Variants in GAP43 observed in about 807,000 individuals in gnomAD.
GAP43 encodes the protein growth associated protein 43, also known as neuromodulin.
In GAP43, 6 loss-of-function variants were observed where a neutral mutation model predicts 18.6. The ratio of observed to expected loss-of-function variants is 0.32; its 90% CI spans 0.18 to 0.64. GAP43 has a LOEUF of 0.64. Among genes scored for constraint, GAP43 ranks in the 30% least tolerant of loss-of-function variants. GAP43 has a pLI of 0.78. For synonymous variants in GAP43, 115 were observed against 111.4 expected (o/e 1.03, Z -0.20); for missense variants, 292 against 295.5 (o/e 0.99, Z 0.09).
At chr3:115,686,012 A>C (rs148941373) in intron 2 of GAP43, among the ~76,000 whole-genome samples, 8 of 152,334 alleles carry the variant, frequency 5.3e-5, no homozygotes, top group South Asian at 2.1e-4. Context: ...AAACTCTAAC[A>C]GCCTTTATTT....
At chr3:115,633,150 A>G (rs1037466049) in intron 1 of GAP43, among the ~76,000 whole-genome samples, 2 of 152,162 alleles carry the variant, frequency 1.3e-5, no homozygotes, top group African/African-American at 4.8e-5. Flanking sequence ...AGACTCAGTT[A>G]TTAATAATCC....
chr3:115,633,037 G>C (rs72961636), intron 1 of GAP43, among the ~76,000 whole-genome samples: 306 of 151,546 alleles, frequency 2.0e-3, no homozygotes, highest in African/African-American at 7.1e-3. Context: ...AAAAAGCAGC[G>C]ATCATATGAA....
At chr3:115,662,497 T>C (rs1315050970) in intron 1 of GAP43, among the ~76,000 whole-genome samples, 1 of 152,204 alleles carries the variant, frequency 6.6e-6, no homozygotes, top group Non-Finnish European at 1.5e-5. Flanking sequence ...AACTGTCAAA[T>C]TGCAAACCAC....
chr3:115,698,187 TTA>T (rs1491445941), intron 2 of GAP43, among the ~76,000 whole-genome samples: 4 of 11,264 alleles, frequency 3.6e-4, no homozygotes, highest in South Asian at 2.4e-3. Flanking sequence ...AATATATATA[TTA>T]AATATATATT....
At chr3:115,638,031 A>T (rs1034541786) in intron 1 of GAP43, among the ~76,000 whole-genome samples, 2 of 152,054 alleles carry the variant, frequency 1.3e-5, no homozygotes, top group East Asian at 3.9e-4. Context: ...AGAAAGAAAT[A>T]TGTCTTGACT....
At chr3:115,669,011 G>A (rs572886264) in intron 1 of GAP43, among the ~76,000 whole-genome samples, 71 of 150,756 alleles carry the variant, frequency 4.7e-4, no homozygotes, top group Non-Finnish European at 8.7e-4. Context: ...GTGCCACTGC[G>A]CTCCAGCCTG....
intron 1 of GAP43, among the ~76,000 whole-genome samples, chr3:115,627,136 T>A (rs1480552485): frequency 5.0e-4 from 17 of 33,720 alleles, no homozygotes; most frequent in South Asian, 2.2e-3. Flanking sequence ...TTTCTTTCTT[T>A]TTTTTTTTTT....
At chr3:115,641,881 C>A (rs996045271) in intron 1 of GAP43, among the ~76,000 whole-genome samples, 2 of 152,004 alleles carry the variant, frequency 1.3e-5, no homozygotes, top group African/African-American at 4.8e-5. Context: ...GATGTTCTTG[C>A]GGCTGAAGCA....
At chr3:115,691,052 GC>G (rs1362356276) in intron 2 of GAP43, among the ~76,000 whole-genome samples, 5 of 151,360 alleles carry the variant, frequency 3.3e-5, no homozygotes, top group South Asian at 4.2e-4. Context: ...ACTGCGCCTG[GC>G]CCCCTCTGGG....
At chr3:115,683,705 A>T (rs1329792094) in intron 2 of GAP43, among the ~76,000 whole-genome samples, 2 of 152,214 alleles carry the variant, frequency 1.3e-5, no homozygotes, top group African/African-American at 4.8e-5. Context: ...AAAACCTTGG[A>T]TGCTTATGTA....
chr3:115,630,076 G>A (rs1576975394), intron 1 of GAP43, among the ~76,000 whole-genome samples: 1 of 152,104 alleles, frequency 6.6e-6, no homozygotes, highest in East Asian at 1.9e-4. Context: ...ACCCTCTCTG[G>A]TTACCACAAC....
intron 1 of GAP43, among the ~76,000 whole-genome samples, chr3:115,626,139 G>A (rs1708184651): frequency 6.6e-6 from 1 of 152,224 alleles, no homozygotes; most frequent in African/African-American, 2.4e-5. Flanking sequence ...CACGCAGGTT[G>A]CCTGCTTGTG....
chr3:115,679,785 A>T (rs1708937917), intron 2 of GAP43, among the ~76,000 whole-genome samples: 1 of 152,138 alleles, frequency 6.6e-6, no homozygotes, highest in Non-Finnish European at 1.5e-5. Context: ...ACCTATCCAG[A>T]GGGCTATCAA....
intron 2 of GAP43, among the ~76,000 whole-genome samples, chr3:115,708,561 C>T (rs1298953561): frequency 3.3e-5 from 5 of 152,142 alleles, no homozygotes; most frequent in Admixed American, 6.6e-5. Flanking sequence ...CAGGCAAAGA[C>T]GAGAGTTCAG....
intron 2 of GAP43, among the ~76,000 whole-genome samples, chr3:115,705,522 A>C (rs1453799373): frequency 1.3e-5 from 2 of 152,202 alleles, no homozygotes; most frequent in African/African-American, 2.4e-5. Flanking sequence ...TAACTTTCTC[A>C]AAGTCTGGCA....
chr3:115,660,885 C>T (rs1042730138), intron 1 of GAP43, among the ~76,000 whole-genome samples: 4 of 152,140 alleles, frequency 2.6e-5, no homozygotes, highest in Non-Finnish European at 4.4e-5. Context: ...GAGGGAACAG[C>T]CCTGGGGATT....
At chr3:115,683,113 CTACA>C (rs148403553) in intron 2 of GAP43, among the ~76,000 whole-genome samples, 6,707 of 144,334 alleles carry the variant, frequency 0.046, 212 homozygotes, top group South Asian at 0.085. Flanking sequence ...TCTTTTTTCT[CTACA>C]TACATGTGCG....
At chr3:115,653,228 T>A (rs1708543157) in intron 1 of GAP43, among the ~76,000 whole-genome samples, 1 of 152,114 alleles carries the variant, frequency 6.6e-6, no homozygotes, top group South Asian at 2.1e-4. Flanking sequence ...TAACTTGAAG[T>A]CAGGAGTTCA....
At chr3:115,629,408 CTTT>C (rs35316613) in intron 1 of GAP43, among the ~76,000 whole-genome samples, 4 of 144,652 alleles carry the variant, frequency 2.8e-5, no homozygotes, top group Non-Finnish European at 3.0e-5. Context: ...CCCCCCTGCT[CTTT>C]TTTTTTTTTT....
Sources: allele counts gnomAD v4.1 joint callset (sites outside exome capture counted in the v4.1 genomes callset), GRCh38; gene constraint gnomAD v4.1.1; transcripts MANE v1.5; gene names NCBI Gene and HGNC (gene_info 2026-07-23, HGNC 2026-07-21).